The following ARL8A variants were observed in gnomAD, a reference collection of about 807,000 sequenced individuals.
ARL8A encodes ARF like GTPase 8A.
In ARL8A, 10 loss-of-function variants were observed where a neutral mutation model predicts 31.2. The observed-to-expected ratio is 0.32, with a 90% CI of 0.20 to 0.54. The LOEUF is 0.54. ARL8A is among the 20% of genes least tolerant of loss of function. The pLI, the probability that ARL8A is intolerant of heterozygous loss-of-function variation, is 0.93. For synonymous variants in ARL8A, 70 were observed against 86.9 expected, an observed-to-expected ratio of 0.81 and a Z score of 1.08; for missense variants, 129 against 242.8, an observed-to-expected ratio of 0.53 and a Z score of 3.12.
chr1:202,137,820 A>G, intron 3 of ARL8A, 145 bp downstream of exon 3: 1 of 841,660 alleles, frequency 1.2e-6, no homozygotes, highest in African/African-American at 1.7e-5. Context: ...GTGGCATGCA[A>G]AATAAACGCA....
rs1655248810 is a variant in ARL8A at position 202,144,396 on chromosome 1, A to G, written c.123+54T>C. 2 of 1,169,152 alleles carry G rather than the reference A, an allele frequency of 1.7e-6. No individual in the cohort carries two copies. The highest frequency in any genetic ancestry group is 2.2e-6 in the Non-Finnish European group (2 of 920,376). 72.4% of individuals were successfully genotyped at this position (1,169,152 alleles called of 1,614,324 possible). On this transcript the variant is annotated intron_variant, in intron 1 of 6. Transcript: ENST00000272217. The surrounding 1 kb of genome is among the most constrained non-coding windows in gnomAD (Gnocchi z 5.2). Reference sequence around the variant, plus strand: ...TCAGCAGGGCGCGGCGCGGGCGGGGACAGGCCCGACCCGCGGCCCGCGCCC... The same window carrying G: ...TCAGCAGGGCGCGGCGCGGGCGGGGGCAGGCCCGACCCGCGGCCCGCGCCC...
chr1:202,144,669 G>T lies in ARL8A; in HGVS notation c.-97C>A. 9.3e-7 allele frequency: 1 copy of T among 1,073,586 alleles called. No homozygotes were observed. The highest frequency in any genetic ancestry group is 1.1e-6 in the Non-Finnish European group (1 of 888,242). The allele number at this position is 1,073,586 out of a possible 1,614,324, so 66.5% of individuals were successfully genotyped here. A position where few individuals can be genotyped will look rare whatever the true frequency, so the allele number is the denominator to read the frequency against. On this transcript the variant is annotated 5_prime_UTR_variant, in exon 1 of 7. Transcript: ENST00000272217. This position sits in a 1 kb window ranked among gnomAD's most constrained non-coding sequence, Gnocchi z 5.2. ...GCGGCCCCTCCCCGGTACGGCCCGG[G>T]TCCCGCGGCTCGGTGCGGGCGGAGG...
At chr1:202,137,000 G>A (rs1488711432) in intron 3 of ARL8A, among the ~76,000 whole-genome samples, 5 of 152,004 alleles carry the variant, frequency 3.3e-5, no homozygotes, top group South Asian at 2.1e-4. Context: ...GACTACAGGC[G>A]CCTGCCACCA....
chr1:202,141,084 C>T (rs1655154843), intron 1 of ARL8A, among the ~76,000 whole-genome samples: 1 of 151,976 alleles, frequency 6.6e-6, no homozygotes, highest in African/African-American at 2.4e-5. Context: ...AGAATGTGAC[C>T]TTGGCAGAGG....
intron 1 of ARL8A, among the ~76,000 whole-genome samples, chr1:202,140,383 C>T (rs373156847): frequency 5.8e-4 from 88 of 151,190 alleles, no homozygotes; most frequent in Non-Finnish European, 9.4e-4. Flanking sequence ...CCTCGTGATC[C>T]GCCCACCTCG....
At chr1:202,137,322 C>CA (rs1052073630) in intron 3 of ARL8A, among the ~76,000 whole-genome samples, 10 of 151,198 alleles carry the variant, frequency 6.6e-5, no homozygotes, top group East Asian at 1.9e-4. Context: ...CATGCTCAGC[C>CA]AAAAAAAACA....
intron 1 of ARL8A, among the ~76,000 whole-genome samples, chr1:202,143,590 C>G (rs557118750): frequency 6.6e-6 from 1 of 152,338 alleles, no homozygotes; most frequent in Admixed American, 6.5e-5. Flanking sequence ...ACCCATGGAG[C>G]TCATCTTCCC....
Position 202,135,717 on chromosome 1 carries a change from T to C in ARL8A, c.362A>G (p.Gln121Arg). The part of the protein sequence containing the change: ...LHNLLDKPQL[Q>R]GIPVLVLGNK... ...CTCAGGTCTGCTGACCGGGATGCCC[T>C]GCAGCTGAGGTTTGTCCAGTAGGTT... The change falls in exon 4 of 7, where the codon CAG becomes CGG. Residue 121 changes from glutamine to arginine, a missense_variant. Transcript: ENST00000272217. This position sits in a 1 kb window ranked among gnomAD's most constrained non-coding sequence, Gnocchi z 5.3. The C allele has an allele frequency of 6.2e-7, 1 of 1,613,954 alleles. No individual in the cohort carries two copies. Among genetic ancestry groups the C allele is most frequent in the South Asian group, 1.1e-5 (1 of 91,074 alleles).
rs1381383344 is a variant in ARL8A at position 202,134,762 on chromosome 1, G to A, written c.512-246C>T. 5.9e-5 allele frequency among the ~76,000 whole-genome samples: 9 copies of A among 152,124 alleles called. No homozygotes were observed. The East Asian group carries it at 7.7e-4, about 13-fold the overall frequency. On this transcript the variant is annotated intron_variant, in intron 6 of 6. Transcript: ENST00000272217. The surrounding 1 kb of genome is among the most constrained non-coding windows in gnomAD (Gnocchi z 4.2). ...TGAACTCCAGCCTGGGTGACAGAGC[G>A]AGACACTTTCTCAAAAACAAACAAG...
intron 3 of ARL8A, among the ~76,000 whole-genome samples, chr1:202,137,496 G>A (rs961615528): frequency 7.9e-5 from 12 of 152,184 alleles, no homozygotes; most frequent in Non-Finnish European, 1.8e-4. Context: ...GCGTGGTAGC[G>A]CATGCCTGTA....
rs1654953037 is a variant in ARL8A at position 202,134,592 on chromosome 1, A to G, written c.512-76T>C. Reference sequence around the variant, plus strand: ...CTGGGGCAGCAGAGAGGCCCAAGAAACCAAACCTAAGGGTATCAGAAGTCC... The same window carrying G: ...CTGGGGCAGCAGAGAGGCCCAAGAAGCCAAACCTAAGGGTATCAGAAGTCC... On this transcript the variant is annotated intron_variant, in intron 6 of 6. Transcript: ENST00000272217. This position sits in a 1 kb window ranked among gnomAD's most constrained non-coding sequence, Gnocchi z 4.2. 5.8e-6 allele frequency: 8 copies of G among 1,371,280 alleles called. No homozygotes were observed. Among genetic ancestry groups the G allele is most frequent in the African/African-American group, 1.4e-5 (1 of 69,662 alleles). The allele number at this position is 1,371,280 out of a possible 1,614,324, so 84.9% of individuals were successfully genotyped here. A position where few individuals can be genotyped will look rare whatever the true frequency, so the allele number is the denominator to read the frequency against.
intron 1 of ARL8A, among the ~76,000 whole-genome samples, chr1:202,142,533 G>C (rs1273303892): frequency 6.6e-6 from 1 of 152,230 alleles, no homozygotes; most frequent in African/African-American, 2.4e-5. Context: ...ACATGGGGTG[G>C]TTTTCCTTGG....
rs1168578055 is a variant in ARL8A at position 202,138,848 on chromosome 1, C to T, written c.124-400G>A. 6.6e-6 allele frequency among the ~76,000 whole-genome samples: 1 copy of T among 152,172 alleles called. No individual in the cohort carries two copies. Among genetic ancestry groups the T allele is most frequent in the African/African-American group, 2.4e-5 (1 of 41,442 alleles). On this transcript the variant is annotated intron_variant, in intron 1 of 6. Transcript: ENST00000272217. This position sits in a 1 kb window ranked among gnomAD's most constrained non-coding sequence, Gnocchi z 4.4. Reference sequence around the variant, plus strand: ...TAGTTAAGGAGGATCTCAAAGAAAGCAGATGAATTTTCAAACTAAAAAATC... The same window carrying T: ...TAGTTAAGGAGGATCTCAAAGAAAGTAGATGAATTTTCAAACTAAAAAATC...
At chr1:202,137,915 T>G in intron 3 of ARL8A, 50 bp downstream of exon 3, 1 of 1,604,980 alleles carries the variant, frequency 6.2e-7, no homozygotes, top group Non-Finnish European at 8.5e-7. Context: ...GTAGCAGGGC[T>G]AGGGGGGCCG....
rs750091696 is a variant in ARL8A at position 202,134,668 on chromosome 1, G to A, written c.512-152C>T. ...ACCTGGAGTCTCAGCTACATGGGAA[G>A]CTCAGGTGAGAGGATTGCTTGAACC... On this transcript the variant is annotated intron_variant, in intron 6 of 6. Transcript: ENST00000272217. This position sits in a 1 kb window ranked among gnomAD's most constrained non-coding sequence, Gnocchi z 4.2. 10 of 722,796 alleles carry A rather than the reference G, an allele frequency of 1.4e-5. No homozygotes were observed. The highest frequency in any genetic ancestry group is 3.5e-5 in the African/African-American group (2 of 57,440). 44.8% of individuals were successfully genotyped at this position (722,796 alleles called of 1,614,324 possible).
Position 202,138,602 on chromosome 1 carries a change from T to A in ARL8A, c.124-154A>T, listed in dbSNP as rs1655083258. On this transcript the variant is annotated intron_variant, in intron 1 of 6. Transcript: ENST00000272217. This position sits in a 1 kb window ranked among gnomAD's most constrained non-coding sequence, Gnocchi z 4.4. Reference sequence around the variant, plus strand: ...GCACATCCTGTGCTTTCAGGCAGGATGGGCTATCACCAACCTATGTGTCCC... The same window carrying A: ...GCACATCCTGTGCTTTCAGGCAGGAAGGGCTATCACCAACCTATGTGTCCC... 6.6e-6 allele frequency among the ~76,000 whole-genome samples: 1 copy of A among 152,186 alleles called. No homozygotes were observed. The highest frequency in any genetic ancestry group is 1.9e-4 in the East Asian group (1 of 5,188).
rs1654972361 is a variant in ARL8A, at chr1:202,135,259, C to A, written c.441-39G>T. Reference sequence around the variant, plus strand: ...GAGTAGAGTCCGCTGAGGCTACGAACGTCCAGGGGGCCTGGGGCTAGGGGA... The same window carrying A: ...GAGTAGAGTCCGCTGAGGCTACGAAAGTCCAGGGGGCCTGGGGCTAGGGGA... On this transcript the variant is annotated intron_variant, in intron 5 of 6. Coordinates refer to ENST00000272217, the MANE Select transcript of ARL8A (RefSeq NM_138795.4). This position sits in a 1 kb window ranked among gnomAD's most constrained non-coding sequence, Gnocchi z 5.3. 6.3e-7 allele frequency: 1 copy of A among 1,587,356 alleles called. No individual in the cohort carries two copies. Among genetic ancestry groups the A allele is most frequent in the African/African-American group, 1.3e-5 (1 of 74,310 alleles).
At position 202,135,722 on chromosome 1, in the gene ARL8A, C is replaced by T. The variant is rs1654988333; in HGVS notation, c.357G>A (p.Gln119=). 2 of 1,613,940 alleles carry T rather than the reference C, an allele frequency of 1.2e-6. No individual in the cohort carries two copies. Among genetic ancestry groups the T allele is most frequent in the Admixed American group, 3.3e-5 (2 of 59,992 alleles). The change falls in exon 4 of 7, where the codon CAG becomes CAA. Residue 119 remains glutamine, a synonymous_variant. Transcript: ENST00000272217. This position sits in a 1 kb window ranked among gnomAD's most constrained non-coding sequence, Gnocchi z 5.3. The stretch of plus-strand genomic sequence containing the variant: ...GTCTGCTGACCGGGATGCCCTGCAG[C>T]TGAGGTTTGTCCAGTAGGTTGTGGA... ...NELHNLLDKP[Q]LQGIPVLVLG... is the part of the protein sequence containing the mutation.
intron 1 of ARL8A, among the ~76,000 whole-genome samples, chr1:202,141,642 C>CA (rs919925890): frequency 0.034 from 3,440 of 100,022 alleles, 131 homozygotes; most frequent in African/African-American, 0.11. Context: ...CACTCTGTCT[C>CA]AAAAAAAAAA....
Sources: allele counts gnomAD v4.1 joint callset (sites outside exome capture counted in the v4.1 genomes callset), GRCh38; gene constraint gnomAD v4.1.1; non-coding constraint Gnocchi (gnomAD v3.1); transcripts MANE v1.5; gene names NCBI Gene and HGNC (gene_info 2026-07-23, HGNC 2026-07-21).